The following MX2 variants were observed in gnomAD, a reference collection of about 807,000 sequenced individuals.
MX2 encodes the protein MX dynamin like GTPase 2.
Under a neutral mutation model 74.0 loss-of-function variants are expected in MX2, and 51 were observed. The ratio of observed to expected loss-of-function variants is 0.69; its 90% CI spans 0.55 to 0.87. MX2 has a LOEUF of 0.87. MX2 is among the 40% of genes least tolerant of loss of function. MX2 has a pLI of 0.00. For missense variants in MX2, 832 were observed against 908.7 expected, an observed-to-expected ratio of 0.92 and a Z score of 1.09; for synonymous variants, 369 against 339.3, an observed-to-expected ratio of 1.09 and a Z score of -0.96.
intron 5 of MX2, chr21:41,389,953 T>G (rs1217393840): frequency 6.6e-6 from 1 of 152,196 alleles, no homozygotes; most frequent in Non-Finnish European, 1.5e-5. Context: ...TCTAATAAAT[T>G]TTATTAGATT....
chr21:41,374,969 C>G (rs987605753), intron 1 of MX2, among the ~76,000 whole-genome samples: 2 of 152,218 alleles, frequency 1.3e-5, no homozygotes, highest in African/African-American at 4.8e-5. Flanking sequence ...CCACATCTTG[C>G]AAGCCTTTTT....
At chr21:41,370,580 A>G (rs1221030367) in intron 1 of MX2, 1 of 152,240 alleles carries the variant, frequency 6.6e-6, no homozygotes, top group Non-Finnish European at 1.5e-5. Flanking sequence ...AAATGGTTCT[A>G]TTGTTTGTAT....
chr21:41,364,285 A>T (rs2089243547), intron 1 of MX2: 1 of 152,242 alleles, frequency 6.6e-6, no homozygotes, highest in African/African-American at 2.4e-5. Context: ...GGAATTGCCA[A>T]GTTATGGCTT....
chr21:41,367,071 T>C (rs562717693), intron 1 of MX2: 4 of 152,308 alleles, frequency 2.6e-5, no homozygotes, highest in African/African-American at 9.6e-5. Context: ...CCGCTCTGAT[T>C]GACCATAGCA....
intron 5 of MX2, among the ~76,000 whole-genome samples, chr21:41,387,550 G>C (rs138203624): frequency 6.6e-6 from 1 of 152,232 alleles, no homozygotes; most frequent in African/African-American, 2.4e-5. Context: ...TCTCCCTCCT[G>C]TTGGTCTCTC....
intron 1 of MX2, chr21:41,365,048 C>T (rs1480020048): frequency 2.6e-5 from 4 of 152,240 alleles, no homozygotes; most frequent in Non-Finnish European, 5.9e-5. Flanking sequence ...AACCATCACA[C>T]CCCTCAAATG....
At chr21:41,382,331 A>G in intron 4 of MX2, 79 bp from the exon 5 acceptor site, 1 of 1,502,676 alleles carries the variant, frequency 6.7e-7, no homozygotes, top group Non-Finnish European at 9.0e-7. Context: ...GGAAAGGAGC[A>G]GTCATTACCT....
At position 41,399,354 on chromosome 21, in the gene MX2, G is replaced by A. The variant is rs1375675975; in HGVS notation, c.1414+17G>A. On this transcript the variant is annotated intron_variant, in intron 10 of 13. Transcript: ENST00000330714. ...CCCAAAAAGGTAAGTTCTGGGCAGG[G>A]CTCCCTGCAAAACAGGGTGGTATTT... is the stretch of plus-strand genomic sequence containing the variant. 1.2e-6 allele frequency: 2 copies of A among 1,611,042 alleles called. No homozygotes were observed. The highest frequency in any genetic ancestry group is 8.5e-7 in the Non-Finnish European group (1 of 1,178,946).
chr21:41,405,696 C>A (rs1601437740), intron 12 of MX2, among the ~76,000 whole-genome samples: 2 of 146,690 alleles, frequency 1.4e-5, no homozygotes, highest in South Asian at 4.3e-4. Context: ...TCACCTCTTT[C>A]TTTCCTTTTT....
rs1167171792 is a variant in MX2, at chr21:41,395,592, C to T, written c.877C>T (p.Leu293=). Residue 293 remains leucine (L), a synonymous_variant, in exon 7 of 14, where the codon CTG becomes TTG. Transcript: ENST00000330714. The part of the protein sequence containing the change: ...DPEGDRTIGI[L]TKPDLMDRGT... The stretch of plus-strand genomic sequence containing the variant: ...CTTCTTTAACCATCTCACAGGTATC[C>T]TGACCAAACCAGATCTAATGGACAG... The T allele has an allele frequency of 6.2e-7, 1 of 1,614,062 alleles. No homozygotes were observed. The highest frequency in any genetic ancestry group is 1.7e-5 in the Admixed American group (1 of 60,006).
In MX2 at chr21:41,376,886, G is replaced by A; in HGVS notation, c.-21G>A. ...CAAGTAGCAGAGAAAGCATCCCCCA[G>A]CTCTGACAGGGAGACAGCACATGTC... On this transcript the variant is annotated 5_prime_UTR_variant, in exon 2 of 14. Transcript: ENST00000330714. The A allele has an allele frequency of 1.9e-6, 3 of 1,611,770 alleles. No individual in the cohort carries two copies. Among genetic ancestry groups the A allele is most frequent in the South Asian group, 2.2e-5 (2 of 91,042 alleles).
chr21:41,400,293 A>T (rs2089794590), intron 10 of MX2, among the ~76,000 whole-genome samples: 1 of 152,174 alleles, frequency 6.6e-6, no homozygotes, highest in Non-Finnish European at 1.5e-5. Context: ...TTTAGCAATA[A>T]GTAAAGACTA....
Position 41,380,207 on chromosome 21 carries a change from G to A in MX2, c.577+56G>A, listed in dbSNP as rs767354664. The A allele has an allele frequency of 8.1e-6, 13 of 1,607,114 alleles. No homozygotes were observed. Among genetic ancestry groups the A allele is most frequent in the South Asian group, 1.1e-5 (1 of 90,186 alleles). On this transcript the variant is annotated intron_variant, in intron 4 of 13. Coordinates refer to ENST00000330714, the MANE Select transcript of MX2 (RefSeq NM_002463.2). This position sits in a 1 kb window ranked among gnomAD's most constrained non-coding sequence, Gnocchi z 4.3. ...TGGCAGCCGCTCCTCTCACTTCCTCGGTTCCTTCTCCTCTTCCTCAAGTCA... is the reference window on the plus strand; with the variant it reads ...TGGCAGCCGCTCCTCTCACTTCCTCAGTTCCTTCTCCTCTTCCTCAAGTCA...
chr21:41,379,522 G>A (rs1321556430), intron 3 of MX2, among the ~76,000 whole-genome samples: 2 of 152,142 alleles, frequency 1.3e-5, no homozygotes, highest in Non-Finnish European at 2.9e-5. Context: ...CCTTGAGAGG[G>A]GTTCCATGGC....
At chr21:41,384,620 GT>G (rs1481976028) in intron 5 of MX2, among the ~76,000 whole-genome samples, 1 of 152,148 alleles carries the variant, frequency 6.6e-6, no homozygotes, top group African/African-American at 2.4e-5. Flanking sequence ...GTTGTACAGT[GT>G]GCTCAGTTAC....
At chr21:41,370,955 A>T (rs974509068) in intron 1 of MX2, among the ~76,000 whole-genome samples, 2 of 152,240 alleles carry the variant, frequency 1.3e-5, no homozygotes, top group Non-Finnish European at 2.9e-5. Context: ...ATCCAGCAAG[A>T]GGCAAGATTT....
chr21:41,377,778 G>A lies in MX2; in HGVS notation c.250-11G>A, dbSNP rs758211132. On this transcript the variant is annotated splice_polypyrimidine_tract_variant and intron_variant, in intron 2 of 13. Coordinates refer to ENST00000330714, the MANE Select transcript of MX2 (RefSeq NM_002463.2). ...GGGTCAAGGCAGTGGCATCTGTTCT[G>A]CCTTCTCCAGGGGCCCGAGAACAAC... is the stretch of plus-strand genomic sequence containing the variant. 2 of 1,604,020 alleles carry A rather than the reference G, an allele frequency of 1.2e-6. No homozygotes were observed. Among genetic ancestry groups the A allele is most frequent in the East Asian group, 4.5e-5 (2 of 44,618 alleles).
At position 41,368,869 on chromosome 21, in the gene MX2, A is replaced by G. The variant is rs2089291370; in HGVS notation, c.-72+6814A>G. ...CTCCAGCTCTCAGCCTTTGAAGGATATTGTGGCTAGGGGTTCAGAGTCCCA... is the reference window on the plus strand; with the variant it reads ...CTCCAGCTCTCAGCCTTTGAAGGATGTTGTGGCTAGGGGTTCAGAGTCCCA... On this transcript the variant is annotated intron_variant, in intron 1 of 13. Coordinates refer to ENST00000330714, the MANE Select transcript of MX2 (RefSeq NM_002463.2). The surrounding 1 kb of genome is among the most constrained non-coding windows in gnomAD (Gnocchi z 4.6). 6.6e-6 allele frequency among the ~76,000 whole-genome samples: 1 copy of G among 152,104 alleles called. No individual in the cohort carries two copies. Among genetic ancestry groups the G allele is most frequent in the Admixed American group, 6.6e-5 (1 of 15,266 alleles).
At chr21:41,383,452 T>C (rs902583816) in intron 5 of MX2, among the ~76,000 whole-genome samples, 2 of 152,244 alleles carry the variant, frequency 1.3e-5, no homozygotes, top group Non-Finnish European at 2.9e-5. Context: ...AACTTGTGCA[T>C]ACCCTGTTTG....
Sources: gnomAD v4.1 joint callset for allele counts (sites outside exome capture counted in the v4.1 genomes callset) on GRCh38, gnomAD v4.1.1 for gene constraint, Gnocchi (gnomAD v3.1) non-coding constraint, MANE v1.5 for transcripts, NCBI Gene and HGNC (gene_info 2026-07-23, HGNC 2026-07-21) for gene names.